The following CCDC141 variants were observed in gnomAD, a reference collection of about 807,000 sequenced individuals.
CCDC141 encodes coiled-coil domain containing 141, also known as coiled-coil domain-containing protein 141.
CCDC141 carries 168 observed loss-of-function variants against 181.0 expected under a neutral mutation model. The ratio of observed to expected loss-of-function variants is 0.93; its 90% CI spans 0.82 to 1.05. The LOEUF (loss-of-function observed/expected upper bound fraction) is 1.05, where lower values mean the gene tolerates loss of function less well. Among genes scored for constraint, CCDC141 ranks in the 50% least tolerant of loss-of-function variants. The pLI, the probability that CCDC141 is intolerant of heterozygous loss-of-function variation, is 0.00. For missense variants in CCDC141, 1,902 were observed against 1,788.5 expected (o/e 1.06, Z -1.14); for synonymous variants, 666 against 642.3 (o/e 1.04, Z -0.56).
Position 178,978,558 on chromosome 2 carries a change from C to T in CCDC141, c.343G>A (p.Ala115Thr). The T allele has an allele frequency of 6.5e-7, 1 of 1,549,288 alleles. No individual in the cohort carries two copies. Among genetic ancestry groups the T allele is most frequent in the Non-Finnish European group, 8.7e-7 (1 of 1,146,362 alleles). ...MAETLGEAWA[A>T]LVSMLERRTE... ...CTTCTTTCAAGCATGGACACCAGAGCTGCCCATGCTTCACCCAGAGTCTCG... is the reference window on the plus strand; with the variant it reads ...CTTCTTTCAAGCATGGACACCAGAGTTGCCCATGCTTCACCCAGAGTCTCG... The change falls in exon 3 of 24, where the codon GCT becomes ACT. Residue 115 changes from alanine (A) to threonine (T), a missense_variant. By Grantham distance (58) the Ala-to-Thr change is moderately conservative. Transcript: ENST00000443758.
intron 2 of CCDC141, among the ~76,000 whole-genome samples, chr2:179,003,223 C>CA (rs1010366250): frequency 9.9e-5 from 15 of 151,892 alleles, no homozygotes; most frequent in Non-Finnish European, 1.6e-4. Flanking sequence ...TTTCCAACAA[C>CA]AAAAAAAATC....
chr2:178,845,497 T>G (rs1684896011), intron 22 of CCDC141, 129 bp downstream of exon 22: 1 of 623,566 alleles, frequency 1.6e-6, no homozygotes. Flanking sequence ...AAACTCACAT[T>G]GCATTTACAC....
chr2:178,990,539 A>C (rs1318991832), intron 2 of CCDC141, among the ~76,000 whole-genome samples: 1 of 123,956 alleles, frequency 8.1e-6, no homozygotes, highest in African/African-American at 3.4e-5. Context: ...AGAGAGAGGA[A>C]GGAAGGAAGG....
intron 6 of CCDC141, among the ~76,000 whole-genome samples, chr2:178,925,977 A>G (rs1220336002): frequency 1.3e-5 from 2 of 152,186 alleles, no homozygotes; most frequent in African/African-American, 4.8e-5. Context: ...CTAACTTAAT[A>G]GAAGGGAGGG....
At position 178,837,598 on chromosome 2, in the gene CCDC141, C is replaced by T. The variant is rs1561621670; in HGVS notation, c.3621G>A (p.Glu1207=). 1 of 1,613,988 alleles carries T rather than the reference C, an allele frequency of 6.2e-7. No individual in the cohort carries two copies. ...AGGAGATGTCATCAGGTGAGACACA[C>T]TCATATTCTTCCCCTGAGAGCATGT... The part of the protein sequence containing the change: ...PEDMLSGEEY[E]CVSPDDISLP... Residue 1207 remains glutamate, a synonymous_variant, in exon 23 of 24, where the codon GAG becomes GAA. Coordinates refer to ENST00000443758, the MANE Select transcript of CCDC141 (RefSeq NM_173648.4).
intron 2 of CCDC141, among the ~76,000 whole-genome samples, chr2:179,012,923 T>A (rs948259497): frequency 2.6e-5 from 4 of 152,170 alleles, no homozygotes; most frequent in African/African-American, 9.6e-5. Context: ...CATCCCTTTA[T>A]GATTAAAACT....
chr2:178,947,018 G>A (rs939704215), intron 5 of CCDC141, among the ~76,000 whole-genome samples: 7 of 152,150 alleles, frequency 4.6e-5, no homozygotes, highest in African/African-American at 1.7e-4. Flanking sequence ...ATCTCATTAT[G>A]AGGTATTCAT....
rs1045153562 is a variant in CCDC141, at chr2:178,888,051, T to C, written c.1407+476A>G. 3.9e-5 allele frequency among the ~76,000 whole-genome samples: 6 copies of C among 152,212 alleles called. No homozygotes were observed. In the East Asian group the frequency reaches 1.2e-3, roughly 29 times the overall value. ...GCAGAATGACTGTGTTGCCTTGCAC[T>C]GGTCTAGTTCAATAAAATATAATAA... On this transcript the variant is annotated intron_variant, in intron 9 of 23. Transcript: ENST00000443758.
chr2:178,998,713 C>G (rs1227585837), intron 2 of CCDC141, among the ~76,000 whole-genome samples: 1 of 152,002 alleles, frequency 6.6e-6, no homozygotes, highest in Non-Finnish European at 1.5e-5. Context: ...GTTTTCTGCA[C>G]TCTTTTACAG....
chr2:178,835,713 A>C (rs1045833922), intron 23 of CCDC141: 4 of 152,276 alleles, frequency 2.6e-5, no homozygotes, highest in Admixed American at 2.0e-4. Flanking sequence ...CAAATTATTA[A>C]TATTTACTGT....
rs188286480 is a variant in CCDC141, at chr2:178,902,700, G to A, written c.1265+2629C>T. Reference sequence around the variant, plus strand: ...CCATTCAGGACATAGGCATGGGCAAGGACTTCATGTCTAAACCACCAAAAG... The same window carrying A: ...CCATTCAGGACATAGGCATGGGCAAAGACTTCATGTCTAAACCACCAAAAG... On this transcript the variant is annotated intron_variant, in intron 8 of 23. Transcript: ENST00000443758. Among the ~76,000 whole-genome samples the A allele has an allele frequency of 5.9e-3, 885 of 150,954 alleles. 14 individuals are homozygous for A. The highest frequency in any genetic ancestry group is 0.02 in the African/African-American group (842 of 41,386).
chr2:178,826,028 G>C (rs183655813), downstream of CCDC141, among the ~76,000 whole-genome samples: 2 of 152,282 alleles, frequency 1.3e-5, no homozygotes, highest in African/African-American at 4.8e-5. Context: ...TGGTAAGAGA[G>C]GATGTCCTTA....
chr2:178,951,641 T>C (rs558439395), intron 5 of CCDC141, among the ~76,000 whole-genome samples: 1 of 152,270 alleles, frequency 6.6e-6, no homozygotes, highest in African/African-American at 2.4e-5. Context: ...TGATTTCTAC[T>C]CCCTGGCTAG....
At chr2:179,030,953 C>T (rs891717392) in intron 2 of CCDC141, among the ~76,000 whole-genome samples, 21 of 151,996 alleles carry the variant, frequency 1.4e-4, no homozygotes, top group African/African-American at 4.6e-4. Context: ...AAAAAATGAA[C>T]TATTTTCATT....
the CCDC141 span, among the ~76,000 whole-genome samples, chr2:178,823,282 T>A: frequency 1.3e-5 from 2 of 152,186 alleles, no homozygotes; most frequent in African/African-American, 4.8e-5. Flanking sequence ...AATGAGATAA[T>A]CAGATTAAAT....
intron 4 of CCDC141, among the ~76,000 whole-genome samples, chr2:178,962,780 G>A (rs1690465273): frequency 1.3e-5 from 2 of 151,996 alleles, no homozygotes; most frequent in Non-Finnish European, 2.9e-5. Context: ...ACATGGTCTA[G>A]TCTCTTCCTT....
intron 17 of CCDC141, among the ~76,000 whole-genome samples, chr2:178,859,996 A>C (rs191981644): frequency 6.6e-6 from 1 of 152,338 alleles, no homozygotes; most frequent in East Asian, 1.9e-4. Flanking sequence ...GGATATTTAA[A>C]ACAGAAATGC....
intron 22 of CCDC141, among the ~76,000 whole-genome samples, chr2:178,838,532 C>T (rs1248615626): frequency 2.0e-5 from 3 of 152,158 alleles, no homozygotes; most frequent in African/African-American, 4.8e-5. Context: ...CTTGAAGTCC[C>T]TTAGTTTATT....
chr2:178,948,434 A>G (rs1160130123), intron 5 of CCDC141, among the ~76,000 whole-genome samples: 3 of 152,204 alleles, frequency 2.0e-5, no homozygotes, highest in Non-Finnish European at 4.4e-5. Flanking sequence ...TGTTAAATGT[A>G]GACTTAAGGA....
Sources: allele counts gnomAD v4.1 joint callset (sites outside exome capture counted in the v4.1 genomes callset), GRCh38; gene constraint gnomAD v4.1.1; transcripts MANE v1.5; gene names NCBI Gene and HGNC (gene_info 2026-07-23, HGNC 2026-07-21).